PPFIBP1: variants seen among roughly 807,000 people sequenced by gnomAD.
PPFIBP1 encodes the protein liprin-beta-1.
PPFIBP1 carries 112 observed loss-of-function variants against 137.8 expected under a neutral mutation model. The observed-to-expected ratio is 0.81, with a 90% CI of 0.70 to 0.95. The LOEUF is 0.95. Among genes scored for constraint, PPFIBP1 ranks in the 40% least tolerant of loss-of-function variants. The probability of loss-of-function intolerance (pLI) is 0.00; values close to 1 mark genes in which losing one functional copy is unlikely to be tolerated. For synonymous variants in PPFIBP1, 378 were observed against 417.3 expected, an observed-to-expected ratio of 0.91 and a Z score of 1.15; for missense variants, 1,083 against 1,196.6, an observed-to-expected ratio of 0.91 and a Z score of 1.40.
At chr12:27,680,153 A>C in intron 21 of PPFIBP1, 92 bp downstream of exon 21, 2 of 1,497,684 alleles carry the variant, frequency 1.3e-6, no homozygotes, top group Non-Finnish European at 1.8e-6. Context: ...TGGGTTAAAC[A>C]AAGTCATTGC....
rs372194208 is a variant in PPFIBP1, at chr12:27,561,249, A to G, written c.-123-16903A>G. Among the ~76,000 whole-genome samples the G allele has an allele frequency of 9.9e-5, 15 of 152,256 alleles. No homozygotes were observed. The East Asian group carries it at 1.4e-3, about 14-fold the overall frequency. On this transcript the variant is annotated intron_variant, in intron 1 of 29. Transcript: ENST00000228425. ...GTCTTTTGGTCTTTCTGTCTTCTTCATGGTCACAAAAATCCCTGGAGAGGG... is the reference window on the plus strand; with the variant it reads ...GTCTTTTGGTCTTTCTGTCTTCTTCGTGGTCACAAAAATCCCTGGAGAGGG...
At chr12:27,558,545 G>A (rs1429933562) in intron 1 of PPFIBP1, among the ~76,000 whole-genome samples, 1 of 98,448 alleles carries the variant, frequency 1.0e-5, no homozygotes, top group Non-Finnish European at 2.0e-5. Context: ...GGGCATTGGG[G>A]AAAATAGTTT....
chr12:27,677,981 T>C (rs1299725223), intron 19 of PPFIBP1: 1 of 152,248 alleles, frequency 6.6e-6, no homozygotes, highest in Non-Finnish European at 1.5e-5. Flanking sequence ...TAAACTGATC[T>C]GTTCAGACAA....
chr12:27,632,495 T>C (rs1474600475), intron 2 of PPFIBP1, among the ~76,000 whole-genome samples: 1 of 152,184 alleles, frequency 6.6e-6, no homozygotes, highest in Non-Finnish European at 1.5e-5. Context: ...TGACCAAAGT[T>C]TTTGCAAGCA....
At chr12:27,640,576 C>G (rs567286939) in intron 4 of PPFIBP1, among the ~76,000 whole-genome samples, 1 of 151,774 alleles carries the variant, frequency 6.6e-6, no homozygotes, top group South Asian at 2.1e-4. Context: ...ATAGTCTAAA[C>G]ATGTACCCGC....
chr12:27,540,649 G>C (rs1392628951), intron 1 of PPFIBP1, among the ~76,000 whole-genome samples: 1 of 152,212 alleles, frequency 6.6e-6, no homozygotes, highest in African/African-American at 2.4e-5. Flanking sequence ...TGGATATTTT[G>C]ATTAGTATTG....
At position 27,688,388 on chromosome 12, in the gene PPFIBP1, A is replaced by C. The variant is rs1488820817; in HGVS notation, c.2461A>C (p.Asn821His). The C allele has an allele frequency of 4.3e-6, 7 of 1,614,058 alleles. No homozygotes were observed. Among genetic ancestry groups the C allele is most frequent in the Non-Finnish European group, 5.9e-6 (7 of 1,180,030 alleles). ...RSVDLAEYAP[N>H]LRGSGVHGGL... ...CGTGGACTTGGCAGAATATGCGCCC[A>C]ATCTCAGAGGCAGTGGTGTCCATGG... The change falls in exon 26 of 30, where the codon AAT (asparagine) becomes CAT (histidine). Residue 821 changes from asparagine to histidine, a missense_variant. By Grantham distance (68) the Asn-to-His change is moderately conservative. Coordinates refer to ENST00000228425, the MANE Select transcript of PPFIBP1 (RefSeq NM_003622.4).
At chr12:27,554,732 G>T (rs373004367) in intron 1 of PPFIBP1, among the ~76,000 whole-genome samples, 1 of 152,056 alleles carries the variant, frequency 6.6e-6, no homozygotes, top group Non-Finnish European at 1.5e-5. Flanking sequence ...GGAGATAATG[G>T]TTCCTTTGTG....
intron 1 of PPFIBP1, among the ~76,000 whole-genome samples, chr12:27,529,587 A>C (rs781601238): frequency 6.6e-6 from 1 of 152,212 alleles, no homozygotes; most frequent in South Asian, 2.1e-4. Flanking sequence ...CCAGCTACTC[A>C]GGAGGCTGAG....
rs1316480838 is a variant in PPFIBP1, at chr12:27,598,802, A to G, written c.-36+20563A>G. On this transcript the variant is annotated intron_variant, in intron 2 of 29. Coordinates refer to ENST00000228425, the MANE Select transcript of PPFIBP1 (RefSeq NM_003622.4). ...GTCAGGGGATTTGGGGGTCCTCATT[A>G]ACAATACGGCTCATGTTAATTTTTT... is the stretch of plus-strand genomic sequence containing the variant. 2.6e-5 allele frequency among the ~76,000 whole-genome samples: 4 copies of G among 152,208 alleles called. No homozygotes were observed. The East Asian group carries it at 5.8e-4, about 22-fold the overall frequency.
At chr12:27,560,313 T>A (rs950727116) in intron 1 of PPFIBP1, among the ~76,000 whole-genome samples, 1 of 152,232 alleles carries the variant, frequency 6.6e-6, no homozygotes, top group African/African-American at 2.4e-5. Flanking sequence ...AGGAATGAAT[T>A]AAATGCAAAA....
chr12:27,589,540 C>T (rs1165356324), intron 2 of PPFIBP1, among the ~76,000 whole-genome samples: 2 of 152,184 alleles, frequency 1.3e-5, no homozygotes, highest in African/African-American at 4.8e-5. Context: ...GACACCCAAC[C>T]TCAGAGGGTA....
rs2061671101 is a variant in PPFIBP1, at chr12:27,693,887, G to C, written c.*1005G>C. ...AGACAGGGTTTCACCATATTGGCCAGGCTGGGACTCGAACTCCTGACCTTG... is the reference window on the plus strand; with the variant it reads ...AGACAGGGTTTCACCATATTGGCCACGCTGGGACTCGAACTCCTGACCTTG... On this transcript the variant is annotated 3_prime_UTR_variant, in exon 30 of 30. Transcript: ENST00000228425. 1 of 152,186 alleles carries C rather than the reference G, an allele frequency of 6.6e-6. No homozygotes were observed. The highest frequency in any genetic ancestry group is 1.5e-5 in the Non-Finnish European group (1 of 68,056). The allele number at this position is 152,186 out of a possible 1,614,324, so 9.4% of individuals were successfully genotyped here.
Position 27,569,334 on chromosome 12 carries a change from A to G in PPFIBP1, c.-123-8818A>G, listed in dbSNP as rs191017320. Reference sequence around the variant, plus strand: ...TATATTAAATACTGTAAACACACCTACAAAGTAGAAGTCTCGTATTATCTT... The same window carrying G: ...TATATTAAATACTGTAAACACACCTGCAAAGTAGAAGTCTCGTATTATCTT... On this transcript the variant is annotated intron_variant, in intron 1 of 29. Transcript: ENST00000228425. Among the ~76,000 whole-genome samples the G allele has an allele frequency of 4.6e-5, 7 of 152,358 alleles. No homozygotes were observed. The East Asian group carries it at 1.3e-3, about 29-fold the overall frequency.
rs764023988 is a variant in PPFIBP1, at chr12:27,672,437, A to G, written c.1273A>G (p.Ile425Val). 3 of 1,607,686 alleles carry G rather than the reference A, an allele frequency of 1.9e-6. No individual in the cohort carries two copies. In the South Asian group the frequency reaches 3.3e-5, roughly 18 times the overall value. The change falls in exon 15 of 30, where the codon ATA (isoleucine) becomes GTA (valine). Residue 425 changes from isoleucine (I) to valine (V), a missense_variant. Transcript: ENST00000228425. ...TTCTTTACATTTTAGTGATGGAAAC[A>G]TAATCCTTGGTGCCACTGTTGATAC... Reference protein sequence around the residue: ...ETSFEENDGNIILGATVDTQL... With the variant: ...ETSFEENDGNVILGATVDTQL...
rs151169914 is a variant in PPFIBP1, at chr12:27,589,312, G to A, written c.-36+11073G>A. Among the ~76,000 whole-genome samples, 411 of 152,080 alleles carry A rather than the reference G, an allele frequency of 2.7e-3. 1 individual carries two copies. The highest frequency in any genetic ancestry group is 9.5e-3 in the African/African-American group (394 of 41,468). ...GAGGATTTTAGACTCTATTCTTGTGGCCAGTTAGACTTGGATCCGTGCATC... is the reference window on the plus strand; with the variant it reads ...GAGGATTTTAGACTCTATTCTTGTGACCAGTTAGACTTGGATCCGTGCATC... On this transcript the variant is annotated intron_variant, in intron 2 of 29. Transcript: ENST00000228425.
chr12:27,529,264 T>C (rs1404207674), intron 1 of PPFIBP1, among the ~76,000 whole-genome samples: 1 of 152,230 alleles, frequency 6.6e-6, no homozygotes. Flanking sequence ...TTAGGGAAAT[T>C]ATTCATTTGA....
intron 19 of PPFIBP1, 120 bp downstream of exon 19, chr12:27,677,216 C>T (rs2060574611): frequency 4.0e-6 from 5 of 1,262,912 alleles, no homozygotes; most frequent in African/African-American, 1.5e-5. Context: ...ATGTAGTTCT[C>T]TATTCCGGAG....
chr12:27,648,510 AG>A (rs1200836427), intron 6 of PPFIBP1, among the ~76,000 whole-genome samples: 3 of 152,240 alleles, frequency 2.0e-5, no homozygotes, highest in Non-Finnish European at 2.9e-5. Flanking sequence ...ATATACCCAA[AG>A]GAAAGGAAAT....
Sources: allele counts gnomAD v4.1 joint callset (sites outside exome capture counted in the v4.1 genomes callset), GRCh38; gene constraint gnomAD v4.1.1; transcripts MANE v1.5; gene names NCBI Gene and HGNC (gene_info 2026-07-23, HGNC 2026-07-21).